Variants in PDE10A observed in about 807,000 individuals in gnomAD.
PDE10A encodes cAMP and cAMP-inhibited cGMP 3',5'-cyclic phosphodiesterase 10A.
PDE10A carries 39 observed loss-of-function variants against 97.7 expected under a neutral mutation model. That is an observed-to-expected ratio of 0.40 (90% CI 0.31 to 0.52). The LOEUF is 0.52. Among genes scored for constraint, PDE10A ranks in the 20% least tolerant of loss-of-function variants. PDE10A has a pLI of 0.56. For missense variants in PDE10A, 731 were observed against 1,047.8 expected (o/e 0.70, Z 4.17); for synonymous variants, 371 against 376.8 (o/e 0.98, Z 0.18).
At chr6:165,361,316 C>T (rs1166742662) in intron 18 of PDE10A, among the ~76,000 whole-genome samples, 2 of 152,054 alleles carry the variant, frequency 1.3e-5, no homozygotes, top group East Asian at 1.9e-4. Flanking sequence ...ATAAAACAAG[C>T]CTCATTAGAT....
chr6:165,532,202 G>A (rs573531111), intron 2 of PDE10A, among the ~76,000 whole-genome samples: 1 of 151,928 alleles, frequency 6.6e-6, no homozygotes, highest in South Asian at 2.1e-4. Context: ...GTCAATCACA[G>A]GAGCTCTGCT....
At chr6:165,343,678 A>C (rs959062946) in intron 18 of PDE10A, among the ~76,000 whole-genome samples, 176 bp from the exon 19 acceptor site, 1 of 152,244 alleles carries the variant, frequency 6.6e-6, no homozygotes, top group Non-Finnish European at 1.5e-5. Context: ...CATTTTCATC[A>C]TAAGAACAAG....
At chr6:165,636,717 G>T (rs570287846) in intron 1 of PDE10A, among the ~76,000 whole-genome samples, 1 of 152,154 alleles carries the variant, frequency 6.6e-6, no homozygotes, top group African/African-American at 2.4e-5. Flanking sequence ...GCATCTGCCC[G>T]AACACATTTG....
intron 1 of PDE10A, among the ~76,000 whole-genome samples, chr6:165,951,469 A>G (rs996102071): frequency 1.3e-5 from 2 of 152,082 alleles, no homozygotes; most frequent in Non-Finnish European, 2.9e-5. Flanking sequence ...GGATTGCCAC[A>G]GCTCCTTGGT....
At position 165,798,832 on chromosome 6, in the gene PDE10A, T is replaced by C. The variant is rs141313619; in HGVS notation, c.-615+188697A>G. ...AGGCGATTCTCGTGCCTCAGCTTCCTGAGTAGCTGGGATTACAAGCACGTG... is the reference window on the plus strand; with the variant it reads ...AGGCGATTCTCGTGCCTCAGCTTCCCGAGTAGCTGGGATTACAAGCACGTG... On this transcript the variant is annotated intron_variant, in intron 1 of 19. Transcript: ENST00000366882. Among the ~76,000 whole-genome samples, 905 of 152,200 alleles carry C rather than the reference T, an allele frequency of 5.9e-3. 6 individuals carry two copies. Among genetic ancestry groups the C allele is most frequent in the African/African-American group, 0.021 (877 of 41,506 alleles).
chr6:165,924,923 G>A (rs529700205), intron 1 of PDE10A, among the ~76,000 whole-genome samples: 13 of 152,138 alleles, frequency 8.5e-5, no homozygotes, highest in Admixed American at 2.6e-4. Flanking sequence ...AAGCTGGACC[G>A]CATCAAAATT....
intron 3 of PDE10A, among the ~76,000 whole-genome samples, chr6:165,467,671 G>A (rs957355862): frequency 7.2e-4 from 109 of 152,156 alleles, no homozygotes; most frequent in African/African-American, 2.6e-3. Flanking sequence ...GGCCAGGTGT[G>A]GTGGCTCATG....
intron 18 of PDE10A, among the ~76,000 whole-genome samples, chr6:165,352,621 G>A (rs1403532056): frequency 1.3e-5 from 2 of 150,900 alleles, no homozygotes; most frequent in Non-Finnish European, 1.5e-5. Flanking sequence ...TTAACAAATG[G>A]TGCCAGAACA....
intron 1 of PDE10A, among the ~76,000 whole-genome samples, chr6:165,733,148 T>A (rs1268215291): frequency 6.6e-6 from 1 of 152,244 alleles, no homozygotes; most frequent in Non-Finnish European, 1.5e-5. Context: ...TCTGGCTCAG[T>A]GATCCTAGTA....
intron 1 of PDE10A, among the ~76,000 whole-genome samples, chr6:165,770,846 G>C (rs1208661576): frequency 6.6e-6 from 1 of 152,198 alleles, no homozygotes; most frequent in African/African-American, 2.4e-5. Flanking sequence ...GGCTTCGCTG[G>C]CCTGTCCCCA....
chr6:165,679,594 C>T (rs12660154), intron 1 of PDE10A, among the ~76,000 whole-genome samples: 130,011 of 152,176 alleles, frequency 0.85, 55,874 homozygotes, highest in South Asian at 0.92. Context: ...CGGGAAGCAC[C>T]TCACAGTCCC....
chr6:165,831,299 G>A (rs1275388515), intron 1 of PDE10A, among the ~76,000 whole-genome samples: 1 of 139,908 alleles, frequency 7.1e-6, no homozygotes, highest in African/African-American at 2.7e-5. Flanking sequence ...GTGAACCCAG[G>A]AGGTGGAGCT....
intron 1 of PDE10A, among the ~76,000 whole-genome samples, chr6:165,653,304 T>G (rs1050508311): frequency 2.0e-5 from 3 of 152,176 alleles, no homozygotes; most frequent in African/African-American, 7.2e-5. Flanking sequence ...AAGGAACACT[T>G]TGGCTAATGG....
intron 2 of PDE10A, among the ~76,000 whole-genome samples, chr6:165,502,435 T>C (rs1206079603): frequency 6.6e-6 from 1 of 152,114 alleles, no homozygotes; most frequent in Non-Finnish European, 1.5e-5. Flanking sequence ...TACTCAAATA[T>C]ACAAAACAGC....
chr6:165,620,362 G>A (rs2983499), intron 1 of PDE10A, among the ~76,000 whole-genome samples: 17,172 of 152,078 alleles, frequency 0.11, 3,272 homozygotes, highest in African/African-American at 0.39. Context: ...GATGCTTCTC[G>A]TAAGTATCTG....
Position 165,328,397 on chromosome 6 carries a change from C to T in PDE10A, c.*4628G>A, listed in dbSNP as rs770355407. 6.6e-6 allele frequency: 1 copy of T among 152,238 alleles called. No individual in the cohort carries two copies. The highest frequency in any genetic ancestry group is 1.5e-5 in the Non-Finnish European group (1 of 68,052). 9.4% of individuals were successfully genotyped at this position (152,238 alleles called of 1,614,324 possible). A position where few individuals can be genotyped will look rare whatever the true frequency, so the allele number is the denominator to read the frequency against. On this transcript the variant is annotated 3_prime_UTR_variant, in exon 22 of 22. Coordinates refer to ENST00000539869, the MANE Select transcript of PDE10A (RefSeq NM_001385079.1). ...CCTTCTGCTTAAACTTCTGCAAATA[C>T]ACAGTACCTCAAAAACATCAGAGGA...
intron 1 of PDE10A, among the ~76,000 whole-genome samples, chr6:165,770,214 A>G (rs188193297): frequency 2.6e-5 from 4 of 151,066 alleles, no homozygotes; most frequent in Admixed American, 2.6e-4. Context: ...TATGAGTTCC[A>G]TGAAGTTTCT....
intron 1 of PDE10A, among the ~76,000 whole-genome samples, chr6:165,681,394 A>ATGTG (rs145137771): frequency 2.7e-4 from 41 of 150,570 alleles, no homozygotes; most frequent in African/African-American, 9.3e-4. Flanking sequence ...TCTTGGGAAA[A>ATGTG]TGTGTGTGTG....
intron 1 of PDE10A, among the ~76,000 whole-genome samples, chr6:165,634,167 A>G (rs1351145002): frequency 1.3e-5 from 2 of 152,122 alleles, no homozygotes; most frequent in Non-Finnish European, 2.9e-5. Flanking sequence ...ATTTCAGGCC[A>G]TGTGCTTTGA....
Sources: allele counts gnomAD v4.1 joint callset (sites outside exome capture counted in the v4.1 genomes callset), GRCh38; gene constraint gnomAD v4.1.1; transcripts MANE v1.5; gene names NCBI Gene and HGNC (gene_info 2026-07-23, HGNC 2026-07-21).